Variants in LRP12 observed in about 807,000 individuals in gnomAD.
LRP12 encodes the protein low-density lipoprotein receptor-related protein 12.
In LRP12, 14 loss-of-function variants were observed where a neutral mutation model predicts 66.0. The observed-to-expected ratio is 0.21, with a 90% CI of 0.14 to 0.33. The LOEUF (loss-of-function observed/expected upper bound fraction) is 0.33. LRP12 is among the 10% of genes least tolerant of loss of function. The pLI is 1.00. For synonymous variants in LRP12, 357 were observed against 359.1 expected (o/e 0.99, Z 0.07); for missense variants, 889 against 1,053.4 (o/e 0.84, Z 2.16).
chr8:104,498,098 T>G (rs16871500), intron 4 of LRP12, 22 bp from the exon 5 acceptor site: 144,609 of 1,540,186 alleles, frequency 0.094, 9,006 homozygotes, highest in African/African-American at 0.32. Flanking sequence ...TGAGTAGAAA[T>G]AGATGGAAAG....
chr8:104,588,138 T>G (rs1405196066), intron 1 of LRP12, among the ~76,000 whole-genome samples: 2 of 152,050 alleles, frequency 1.3e-5, no homozygotes, highest in African/African-American at 4.8e-5. Flanking sequence ...ATGGATGAAA[T>G]TACAATTGAA....
chr8:104,503,051 TTTTAA>T (rs1181080774), intron 3 of LRP12, among the ~76,000 whole-genome samples: 1 of 152,048 alleles, frequency 6.6e-6, no homozygotes, highest in African/African-American at 2.4e-5. Flanking sequence ...TGGGCGTGGT[TTTTAA>T]TTTTAGTCTT....
intron 1 of LRP12, among the ~76,000 whole-genome samples, chr8:104,560,945 T>C (rs894722013): frequency 6.6e-6 from 1 of 152,176 alleles, no homozygotes; most frequent in Non-Finnish European, 1.5e-5. Flanking sequence ...TTTTGTGGTG[T>C]TGCTTCTTTC....
rs1219195244 is a variant in LRP12 at position 104,548,607 on chromosome 8, TA to T, written c.80-16645del. Reference sequence around the variant, plus strand: ...ATTTTGTATATAATATAGAATTATATAATTAAATTAATTATATAATTATTAT... The same window carrying T: ...ATTTTGTATATAATATAGAATTATATATTAAATTAATTATATAATTATTAT... On this transcript the variant is annotated intron_variant, in intron 1 of 6. Coordinates refer to ENST00000276654, the MANE Select transcript of LRP12 (RefSeq NM_013437.5). Among the ~76,000 whole-genome samples the T allele has an allele frequency of 1.1e-3, 124 of 110,852 alleles. 7 individuals carry two copies. The highest frequency in any genetic ancestry group is 4.7e-3 in the African/African-American group (114 of 24,096). The allele number at this position is 110,852 out of a possible 152,430, so 72.7% of individuals were successfully genotyped here. A position where few individuals can be genotyped will look rare whatever the true frequency, so the allele number is the denominator to read the frequency against.
At chr8:104,573,560 T>C (rs1396298572) in intron 1 of LRP12, among the ~76,000 whole-genome samples, 1 of 152,120 alleles carries the variant, frequency 6.6e-6, no homozygotes, top group Non-Finnish European at 1.5e-5. Context: ...AGTCTAAACA[T>C]ACTAGGAATG....
At chr8:104,555,265 A>G (rs1477467314) in intron 1 of LRP12, among the ~76,000 whole-genome samples, 1 of 152,182 alleles carries the variant, frequency 6.6e-6, no homozygotes, top group Admixed American at 6.5e-5. Flanking sequence ...AATGAAAACA[A>G]ACAAGGTATT....
chr8:104,552,374 TG>T (rs1008323355), intron 1 of LRP12, among the ~76,000 whole-genome samples: 3 of 150,768 alleles, frequency 2.0e-5, no homozygotes, highest in Admixed American at 1.3e-4. Context: ...TTTTTTTTGT[TG>T]TTTTTTTTTT....
intron 1 of LRP12, among the ~76,000 whole-genome samples, chr8:104,565,183 TAATA>T (rs1182490234): frequency 6.6e-6 from 1 of 152,054 alleles, no homozygotes; most frequent in Non-Finnish European, 1.5e-5. Context: ...CACATATCCA[TAATA>T]AATACATATG....
Position 104,588,918 on chromosome 8 carries a change from G to T in LRP12, c.-21C>A, listed in dbSNP as rs746067166. On this transcript the variant is annotated 5_prime_UTR_variant, in exon 1 of 7. Transcript: ENST00000276654. ...GCCATAACCACAGCAGATGGAGAGAGAGAGGAGGAGACGGAGGAGGAGGGA... is the reference window on the plus strand; with the variant it reads ...GCCATAACCACAGCAGATGGAGAGATAGAGGAGGAGACGGAGGAGGAGGGA... The T allele has an allele frequency of 1.5e-5, 24 of 1,579,906 alleles. No homozygotes were observed. The highest frequency in any genetic ancestry group is 2.1e-5 in the Non-Finnish European group (24 of 1,159,608).
intron 1 of LRP12, among the ~76,000 whole-genome samples, chr8:104,561,153 C>CAA (rs1431982018): frequency 1.3e-5 from 2 of 152,240 alleles, no homozygotes; most frequent in East Asian, 1.9e-4. Context: ...CAAAACAAAA[C>CAA]AACGTTATTT....
chr8:104,564,589 C>T (rs1301601957), intron 1 of LRP12, among the ~76,000 whole-genome samples: 2 of 151,624 alleles, frequency 1.3e-5, no homozygotes, highest in Non-Finnish European at 2.9e-5. Flanking sequence ...AGACACAAAT[C>T]AGCACCGCAT....
chr8:104,518,613 A>G (rs904090578), intron 2 of LRP12, among the ~76,000 whole-genome samples: 1 of 152,098 alleles, frequency 6.6e-6, no homozygotes, highest in Admixed American at 6.6e-5. Flanking sequence ...CACAGAGAAA[A>G]TAAGTATAGT....
At chr8:104,496,658 G>T (rs1810732286) in intron 5 of LRP12, among the ~76,000 whole-genome samples, 1 of 152,040 alleles carries the variant, frequency 6.6e-6, no homozygotes, top group Non-Finnish European at 1.5e-5. Flanking sequence ...TTTTGAATTT[G>T]TATTTAGAAA....
intron 2 of LRP12, among the ~76,000 whole-genome samples, chr8:104,524,287 C>T (rs1184833644): frequency 4.0e-5 from 6 of 149,532 alleles, no homozygotes; most frequent in South Asian, 2.1e-4. Context: ...ATACATATAA[C>T]GTACATATAT....
intron 1 of LRP12, among the ~76,000 whole-genome samples, chr8:104,559,503 T>C (rs1465896046): frequency 6.6e-6 from 1 of 152,050 alleles, no homozygotes; most frequent in Non-Finnish European, 1.5e-5. Flanking sequence ...ACTGGGTAAT[T>C]TGGCATAGCA....
chr8:104,498,124 A>T (rs777137301), intron 4 of LRP12, 48 bp from the exon 5 acceptor site: 5 of 1,484,996 alleles, frequency 3.4e-6, no homozygotes, highest in Admixed American at 2.3e-5. Flanking sequence ...GAGAAAAATT[A>T]TAATCTTTAA....
chr8:104,496,821 T>G (rs3018438), intron 5 of LRP12, 151 bp downstream of exon 5: 1 of 715,052 alleles, frequency 1.4e-6, no homozygotes. Flanking sequence ...GAGTCTCGGG[T>G]TTTTCACGCT....
chr8:104,518,731 A>AC (rs1320149194), intron 2 of LRP12, among the ~76,000 whole-genome samples: 3 of 152,068 alleles, frequency 2.0e-5, no homozygotes, highest in Admixed American at 2.0e-4. Context: ...TAAAAATTTT[A>AC]TAAACAGCAT....
chr8:104,508,047 C>T (rs1410105862), intron 3 of LRP12: 2 of 152,154 alleles, frequency 1.3e-5, no homozygotes, highest in Non-Finnish European at 2.9e-5. Context: ...ATGCCTCCTA[C>T]CCATACAATG....
Sources: gnomAD v4.1 joint callset for allele counts (sites outside exome capture counted in the v4.1 genomes callset) on GRCh38, gnomAD v4.1.1 for gene constraint, MANE v1.5 for transcripts, NCBI Gene and HGNC (gene_info 2026-07-23, HGNC 2026-07-21) for gene names.